Variants in TSNARE1 observed in about 807,000 individuals in gnomAD.
The protein encoded by TSNARE1 is t-SNARE domain-containing protein 1.
A neutral mutation model predicts 62.0 loss-of-function variants in TSNARE1; 49 were observed. That is an observed-to-expected ratio of 0.79 (90% confidence interval 0.63 to 1.00). TSNARE1 has a LOEUF of 1.00. TSNARE1 is among the 50% of genes least tolerant of loss of function. The pLI is 0.00. For missense variants in TSNARE1, 755 were observed against 700.1 expected (o/e 1.08, Z -0.88); for synonymous variants, 328 against 294.4 (o/e 1.11, Z -1.17).
At chr8:142,363,836 G>C (rs1835337823) in intron 1 of TSNARE1, among the ~76,000 whole-genome samples, 1 of 152,132 alleles carries the variant, frequency 6.6e-6, no homozygotes, top group Non-Finnish European at 1.5e-5. Context: ...CCTCGCAAGA[G>C]ACCGGGATAC....
intron 12 of TSNARE1, among the ~76,000 whole-genome samples, chr8:142,262,693 T>C (rs1226760884): frequency 3.3e-5 from 5 of 152,274 alleles, no homozygotes; most frequent in Admixed American, 2.6e-4. Flanking sequence ...CCTCTCTTGC[T>C]CCTGCTCCAG....
chr8:142,278,135 C>A, intron 11 of TSNARE1: 1 of 985,404 alleles, frequency 1.0e-6, no homozygotes. Flanking sequence ...TCCCCCAAGC[C>A]CCACCACAAG....
intron 6 of TSNARE1, among the ~76,000 whole-genome samples, chr8:142,323,345 G>A (rs1287167430): frequency 6.6e-6 from 1 of 152,244 alleles, no homozygotes; most frequent in African/African-American, 2.4e-5. Flanking sequence ...ATGGCTGGCT[G>A]AACACTGTGG....
At chr8:142,376,518 C>T (rs1427370581) in intron 1 of TSNARE1, among the ~76,000 whole-genome samples, 2 of 152,146 alleles carry the variant, frequency 1.3e-5, no homozygotes, top group African/African-American at 4.8e-5. Flanking sequence ...CACAGCAAGA[C>T]GTCAGCGGCC....
At chr8:142,297,947 C>T (rs1825047567) in intron 10 of TSNARE1, among the ~76,000 whole-genome samples, 1 of 152,248 alleles carries the variant, frequency 6.6e-6, no homozygotes, top group Non-Finnish European at 1.5e-5. Context: ...AGATCCACAT[C>T]CTCTGCGTCA....
intron 13 of TSNARE1, among the ~76,000 whole-genome samples, chr8:142,220,570 C>T (rs1237434025): frequency 6.6e-6 from 1 of 152,194 alleles, no homozygotes; most frequent in African/African-American, 2.4e-5. Flanking sequence ...CCTCCAGATT[C>T]CGACCTGGAA....
At chr8:142,295,751 T>C (rs1327817417) in intron 10 of TSNARE1, among the ~76,000 whole-genome samples, 1 of 151,996 alleles carries the variant, frequency 6.6e-6, no homozygotes, top group Non-Finnish European at 1.5e-5. Flanking sequence ...TGCTTCCAGC[T>C]GGGCCGTCCA....
intron 1 of TSNARE1, among the ~76,000 whole-genome samples, chr8:142,397,501 T>C (rs1411940105): frequency 3.3e-5 from 5 of 152,162 alleles, no homozygotes; most frequent in Non-Finnish European, 7.4e-5. Context: ...GTCCCACGGC[T>C]AAGATGTGGC....
At chr8:142,310,368 A>G (rs1827368644) in intron 9 of TSNARE1, among the ~76,000 whole-genome samples, 2 of 152,176 alleles carry the variant, frequency 1.3e-5, no homozygotes, top group African/African-American at 4.8e-5. Flanking sequence ...ACACCTGACC[A>G]TAATCTGAAG....
chr8:142,288,450 G>C (rs1279913008), intron 10 of TSNARE1, among the ~76,000 whole-genome samples: 1 of 152,250 alleles, frequency 6.6e-6, no homozygotes, highest in Non-Finnish European at 1.5e-5. Flanking sequence ...GGCCCCCGGA[G>C]GCAGTGGCAG....
At chr8:142,313,665 G>A (rs200514654) in intron 9 of TSNARE1, among the ~76,000 whole-genome samples, 2 of 151,520 alleles carry the variant, frequency 1.3e-5, no homozygotes, top group Admixed American at 6.6e-5. Flanking sequence ...GTCTCTGTGT[G>A]TCTGTGTCTC....
At chr8:142,260,975 AGGGAGGGAG>A (rs1818834611) in intron 12 of TSNARE1, among the ~76,000 whole-genome samples, 2 of 11,146 alleles carry the variant, frequency 1.8e-4, no homozygotes. Context: ...TCAGGGAGGG[AGGGAGGGAG>A]GAGAGAGGGA....
At chr8:142,313,440 CAT>C (rs577326886) in intron 9 of TSNARE1, among the ~76,000 whole-genome samples, 10 of 147,710 alleles carry the variant, frequency 6.8e-5, no homozygotes, top group South Asian at 6.5e-4. Context: ...ATGTTGTCTA[CAT>C]GTCTGTTTAT....
intron 13 of TSNARE1, among the ~76,000 whole-genome samples, chr8:142,223,298 CCACT>C (rs200283779): frequency 1.8e-5 from 1 of 55,010 alleles, no homozygotes; most frequent in Non-Finnish European, 4.2e-5. Flanking sequence ...ACTCACTCAA[CCACT>C]CACTCATTCA....
intron 11 of TSNARE1, among the ~76,000 whole-genome samples, chr8:142,282,616 A>G (rs1448345058): frequency 1.5e-5 from 2 of 130,326 alleles, no homozygotes; most frequent in Non-Finnish European, 3.3e-5. Flanking sequence ...AGGGGAGGCC[A>G]CTGTCTGTCA....
chr8:142,385,398 A>T (rs973686435), intron 1 of TSNARE1, among the ~76,000 whole-genome samples: 1 of 152,370 alleles, frequency 6.6e-6, no homozygotes, highest in African/African-American at 2.4e-5. Context: ...CTGACAGAGG[A>T]GATGCCGTCA....
At chr8:142,297,914 C>T (rs769368184) in intron 10 of TSNARE1, among the ~76,000 whole-genome samples, 3 of 152,334 alleles carry the variant, frequency 2.0e-5, no homozygotes, top group South Asian at 2.1e-4. Flanking sequence ...CCCTCCGTCC[C>T]GCGCCTGCTG....
At chr8:142,348,161 G>A (rs79343216) in intron 2 of TSNARE1, among the ~76,000 whole-genome samples, 3,331 of 152,288 alleles carry the variant, frequency 0.022, 53 homozygotes, top group Middle Eastern at 0.088. Flanking sequence ...CATTAACCCT[G>A]GAGGTGGGCG....
intron 12 of TSNARE1, among the ~76,000 whole-genome samples, chr8:142,246,415 C>T (rs2130239102): frequency 6.6e-6 from 1 of 152,196 alleles, no homozygotes; most frequent in South Asian, 2.1e-4. Context: ...TCCAGCCTGC[C>T]CCCATCTGAG....
Sources: gnomAD v4.1 joint callset for allele counts (sites outside exome capture counted in the v4.1 genomes callset) on GRCh38, gnomAD v4.1.1 for gene constraint, MANE v1.5 for transcripts, NCBI Gene and HGNC (gene_info 2026-07-23, HGNC 2026-07-21) for gene names.